TNS1: variants seen among roughly 807,000 people sequenced by gnomAD.
The protein encoded by TNS1 is tensin-1.
A neutral mutation model predicts 168.6 loss-of-function variants in TNS1; 62 were observed. The observed-to-expected ratio is 0.37, with a 90% CI of 0.30 to 0.45. TNS1 has a LOEUF of 0.45. Among genes scored for constraint, TNS1 ranks in the 20% least tolerant of loss-of-function variants. The probability of loss-of-function intolerance (pLI) is 1.00; values close to 1 mark genes in which losing one functional copy is unlikely to be tolerated. For synonymous variants in TNS1, 934 were observed against 933.2 expected (o/e 1.00, Z -0.02); for missense variants, 2,240 against 2,339.4 (o/e 0.96, Z 0.88).
At chr2:217,905,801 G>A (rs567100722) in intron 6 of TNS1, among the ~76,000 whole-genome samples, 273 of 152,290 alleles carry the variant, frequency 1.8e-3, no homozygotes, top group Non-Finnish European at 3.1e-3. Flanking sequence ...TCAGGCATCC[G>A]CCCCTTCCCC....
chr2:218,032,594 CTT>C lies in TNS1; in HGVS notation c.156+1224_156+1225del, dbSNP rs1386854293. Among the ~76,000 whole-genome samples, 2 of 152,156 alleles carry C rather than the reference CTT, an allele frequency of 1.3e-5. No homozygotes were observed. The highest frequency in any genetic ancestry group is 6.5e-5 in the Admixed American group (1 of 15,282). On this transcript the variant is annotated intron_variant, in intron 1 of 1. Coordinates refer to the TNS1 transcript ENST00000649572. This position sits in a 1 kb window ranked among gnomAD's most constrained non-coding sequence, Gnocchi z 4.0. The stretch of plus-strand genomic sequence containing the variant: ...CCAGATGTCTGGGTAGCCACTGACT[CTT>C]GGCTTTTGAGGGGATCAGCACCCAG...
chr2:217,945,532 C>A (rs1166454495), intron 3 of TNS1, among the ~76,000 whole-genome samples: 1 of 152,170 alleles, frequency 6.6e-6, no homozygotes, highest in Non-Finnish European at 1.5e-5. Context: ...GCCTCCAGAG[C>A]AAGATTTCGT....
Position 217,885,077 on chromosome 2 carries a change from C to A in TNS1, c.1204G>T (p.Gly402Trp). 6.2e-7 allele frequency: 1 copy of A among 1,614,238 alleles called. No individual in the cohort carries two copies. Reference protein sequence around the residue: ...QFHTCAIHDLGVVFGKEDLDD... With the variant: ...QFHTCAIHDLWVVFGKEDLDD... Reference sequence around the variant, plus strand: ...AGGTCCTCCTTCCCAAAGACAACCCCCAGGTCATGGATGGCACAGGTGTGG... The same window carrying A: ...AGGTCCTCCTTCCCAAAGACAACCCACAGGTCATGGATGGCACAGGTGTGG... Residue 402 changes from glycine (G) to tryptophan (W), a missense_variant, in exon 16 of 33, where the codon GGG becomes TGG. By Grantham distance (184) the Gly-to-Trp change is radical. Around this residue, in one of 2 missense-constraint regions of TNS1, gnomAD observed 2,131 missense variants for 2,171.2 expected, o/e 0.98. Transcript: ENST00000682258.
At chr2:217,994,749 CT>C (rs1346105838) in intron 1 of TNS1, among the ~76,000 whole-genome samples, 2 of 152,210 alleles carry the variant, frequency 1.3e-5, no homozygotes, top group African/African-American at 2.4e-5. Context: ...TATTTCCCCC[CT>C]GGGGCCTGGA....
intron 22 of TNS1, among the ~76,000 whole-genome samples, chr2:217,827,192 C>G (rs1400283876): frequency 6.6e-6 from 1 of 152,082 alleles, no homozygotes; most frequent in African/African-American, 2.4e-5. Flanking sequence ...GCCTGGCAAA[C>G]AGTCAGCGCA....
chr2:217,952,359 T>C (rs1158974816), intron 3 of TNS1, among the ~76,000 whole-genome samples: 2 of 152,178 alleles, frequency 1.3e-5, no homozygotes, highest in Non-Finnish European at 2.9e-5. Context: ...GCAGGGGTGA[T>C]AGGACTTGAT....
intron 3 of TNS1, among the ~76,000 whole-genome samples, chr2:217,966,457 G>T (rs558671435): frequency 6.6e-6 from 1 of 152,194 alleles, no homozygotes; most frequent in Non-Finnish European, 1.5e-5. Context: ...CATCCCCAGC[G>T]AAGCTGAAGC....
At chr2:217,919,876 G>A (rs950466814) in intron 4 of TNS1, among the ~76,000 whole-genome samples, 5 of 152,216 alleles carry the variant, frequency 3.3e-5, no homozygotes, top group African/African-American at 4.8e-5. Flanking sequence ...AGGAGATGCC[G>A]TGGCAGCCCC....
chr2:218,023,440 C>T (rs1165271590), intron 1 of TNS1, among the ~76,000 whole-genome samples: 1 of 152,174 alleles, frequency 6.6e-6, no homozygotes, highest in Non-Finnish European at 1.5e-5. Context: ...ATCATGATTG[C>T]TAACTGCCTT....
At chr2:218,020,023 G>A (rs190998526) in intron 1 of TNS1, among the ~76,000 whole-genome samples, 207 of 152,244 alleles carry the variant, frequency 1.4e-3, no homozygotes, top group Non-Finnish European at 2.5e-3. Context: ...GATCCTCCGG[G>A]TGCAGTGGGT....
chr2:218,025,156 C>A (rs1958840641), intron 1 of TNS1, among the ~76,000 whole-genome samples: 1 of 152,184 alleles, frequency 6.6e-6, no homozygotes, highest in South Asian at 2.1e-4. Context: ...CCTCTTCATG[C>A]CTCAAAGCCC....
At chr2:217,814,703 C>T (rs1281243259) in intron 25 of TNS1, among the ~76,000 whole-genome samples, 2 of 152,192 alleles carry the variant, frequency 1.3e-5, no homozygotes, top group Non-Finnish European at 2.9e-5. Flanking sequence ...TTTAAGAACC[C>T]TTCCAAGAGG....
At chr2:217,886,229 G>T in intron 13 of TNS1, 125 bp from the exon 14 acceptor site, 1 of 1,033,726 alleles carries the variant, frequency 9.7e-7, no homozygotes, top group Non-Finnish European at 1.4e-6. Context: ...GTAGGAAGGG[G>T]AAGGAGGAAA....
At position 217,817,816 on chromosome 2, in the gene TNS1, G is replaced by C. The variant is rs765374803; in HGVS notation, c.4516C>G (p.Pro1506Ala). Residue 1506 changes from proline to alanine, a missense_variant, in exon 24 of 33, where the codon CCC becomes GCC. Around this residue, in one of 2 missense-constraint regions of TNS1, gnomAD observed 2,131 missense variants for 2,171.2 expected, o/e 0.98. Transcript: ENST00000682258. ...TTCCCATTGATGGTGGCATAGTTGG[G>C]GAGGCTGCCTGCCCGGTCTCCCACT... ...MSVGDRAGSL[P>A]NYATINGKVS... The C allele has an allele frequency of 6.2e-7, 1 of 1,614,194 alleles. No homozygotes were observed.
Position 217,825,940 on chromosome 2 carries a change from G to A in TNS1, c.3374-4002C>T, listed in dbSNP as rs115586456. Reference sequence around the variant, plus strand: ...CTGAACTTGGGGAACAGGATGGCTCGCCCAGGGAGAAGCAGCAGCATCCAT... The same window carrying A: ...CTGAACTTGGGGAACAGGATGGCTCACCCAGGGAGAAGCAGCAGCATCCAT... On this transcript the variant is annotated intron_variant, in intron 22 of 32. Coordinates refer to ENST00000682258, the MANE Select transcript of TNS1 (RefSeq NM_001387777.1). Among the ~76,000 whole-genome samples the A allele has an allele frequency of 1.7e-3, 263 of 152,308 alleles. 1 individual carries two copies. The highest frequency in any genetic ancestry group is 6.1e-3 in the African/African-American group (252 of 41,566).
At chr2:217,854,767 C>T (rs950090480) in intron 18 of TNS1, among the ~76,000 whole-genome samples, 2 of 152,164 alleles carry the variant, frequency 1.3e-5, no homozygotes, top group African/African-American at 4.8e-5. Context: ...GCAGGAGAGG[C>T]TATGGCTGGG....
At chr2:217,892,846 C>G (rs1240186981) in intron 11 of TNS1, 102 bp downstream of exon 11, 19 of 1,321,558 alleles carry the variant, frequency 1.4e-5, no homozygotes, top group East Asian at 2.3e-5. Context: ...TCCCTCTGTG[C>G]GTATCCCCTC....
At position 217,918,248 on chromosome 2, in the gene TNS1, G is replaced by T. The variant is rs184221771; in HGVS notation, c.228+1947C>A. Among the ~76,000 whole-genome samples the T allele has an allele frequency of 6.4e-4, 97 of 152,346 alleles. 1 individual carries two copies. Among genetic ancestry groups the T allele is most frequent in the African/African-American group, 2.2e-3 (93 of 41,582 alleles). ...AACGTCCATTATGAAGAAGAGAAAC[G>T]GAGGTCCAGGGAGGTTAGCAATGTC... On this transcript the variant is annotated intron_variant, in intron 4 of 32. Transcript: ENST00000682258.
intron 22 of TNS1, among the ~76,000 whole-genome samples, chr2:217,824,947 G>A (rs1449823270): frequency 6.6e-6 from 1 of 152,118 alleles, no homozygotes; most frequent in Non-Finnish European, 1.5e-5. Flanking sequence ...GCACACAGCA[G>A]GCCCTCAATC....
Sources: gnomAD v4.1 joint callset for allele counts (sites outside exome capture counted in the v4.1 genomes callset) on GRCh38, gnomAD v4.1.1 for gene constraint, gnomAD v4.1.1 regional missense constraint, Gnocchi (gnomAD v3.1) non-coding constraint, MANE v1.5 for transcripts, NCBI Gene and HGNC (gene_info 2026-07-23, HGNC 2026-07-21) for gene names.